CIMIP5: variants seen among roughly 807,000 people sequenced by gnomAD.
CIMIP5 encodes the protein ciliary microtubule inner protein 5.
At chr2:11,148,852 G>A in the CIMIP5 span, among the ~76,000 whole-genome samples, 2 of 148,676 alleles carry the variant, frequency 1.3e-5, no homozygotes, top group African/African-American at 2.5e-5. Context: ...CTCCTGCCTC[G>A]GCCTCCAAGT....
At chr2:11,148,805 G>T in the CIMIP5 span, among the ~76,000 whole-genome samples, 1 of 135,640 alleles carries the variant, frequency 7.4e-6, no homozygotes. Flanking sequence ...GTGCGATCTC[G>T]CTCACTGCAA....
the CIMIP5 span, among the ~76,000 whole-genome samples, chr2:11,139,825 G>A: frequency 6.6e-6 from 1 of 152,210 alleles, no homozygotes; most frequent in Non-Finnish European, 1.5e-5. Flanking sequence ...AGTGGCTCAT[G>A]CCTGTAATCC....
the CIMIP5 span, chr2:11,146,638 GT>G: frequency 6.6e-6 from 1 of 152,242 alleles, no homozygotes; most frequent in African/African-American, 2.4e-5. Context: ...ACCAGGCCCA[GT>G]GTGACTTGGC....
At chr2:11,143,433 A>C in the CIMIP5 span, among the ~76,000 whole-genome samples, 20 of 151,102 alleles carry the variant, frequency 1.3e-4, no homozygotes, top group Non-Finnish European at 1.8e-4. Context: ...GGCTGAAAGG[A>C]GGTGGGGGAG....
At chr2:11,133,391 GC>G in the CIMIP5 span, 162 of 1,612,028 alleles carry the variant, frequency 1.0e-4, no homozygotes, top group Non-Finnish European at 1.2e-4. Flanking sequence ...GGTACCGATT[GC>G]CCCCCACCAG....
chr2:11,136,593 A>C, the CIMIP5 span, among the ~76,000 whole-genome samples: 1 of 151,960 alleles, frequency 6.6e-6, no homozygotes, highest in African/African-American at 2.4e-5. Flanking sequence ...GACTGACTGC[A>C]AATGGACACA....
chr2:11,151,887 G>T, the CIMIP5 span, among the ~76,000 whole-genome samples: 1 of 152,262 alleles, frequency 6.6e-6, no homozygotes, highest in African/African-American at 2.4e-5. Flanking sequence ...GCACGCCTCA[G>T]CCTCCCAAAG....
the CIMIP5 span, among the ~76,000 whole-genome samples, chr2:11,148,087 C>T: frequency 1.3e-5 from 2 of 151,604 alleles, no homozygotes; most frequent in Non-Finnish European, 2.9e-5. Context: ...ACCTGAGAGC[C>T]ATAGCAAGCC....
chr2:11,136,349 A>G, the CIMIP5 span, among the ~76,000 whole-genome samples: 2 of 152,244 alleles, frequency 1.3e-5, no homozygotes, highest in African/African-American at 4.8e-5. Flanking sequence ...AACTTACAGA[A>G]TGACAGAAAA....
the CIMIP5 span, among the ~76,000 whole-genome samples, chr2:11,136,096 T>G: frequency 6.6e-6 from 1 of 152,212 alleles, no homozygotes; most frequent in Non-Finnish European, 1.5e-5. Flanking sequence ...TTCACTTCAT[T>G]GCTTGTTTCC....
the CIMIP5 span, among the ~76,000 whole-genome samples, chr2:11,140,706 C>G: frequency 1.3e-5 from 2 of 152,076 alleles, no homozygotes; most frequent in African/African-American, 4.8e-5. Flanking sequence ...ATGCAGGGTC[C>G]GTTGGATAGA....
the CIMIP5 span, among the ~76,000 whole-genome samples, chr2:11,142,551 C>T: frequency 2.6e-5 from 4 of 152,246 alleles, 1 homozygote; most frequent in Admixed American, 2.6e-4. Context: ...CTGAAATCTG[C>T]ATCATGGCCA....
the CIMIP5 span, among the ~76,000 whole-genome samples, chr2:11,153,643 A>G: frequency 6.6e-6 from 1 of 152,248 alleles, no homozygotes; most frequent in Non-Finnish European, 1.5e-5. Flanking sequence ...ATTGCTGCTG[A>G]TGCTTGTTAA....
At chr2:11,137,677 A>G in the CIMIP5 span, among the ~76,000 whole-genome samples, 2 of 152,204 alleles carry the variant, frequency 1.3e-5, no homozygotes, top group African/African-American at 4.8e-5. Flanking sequence ...GTGCTCCACA[A>G]AAACAGGTGC....
chr2:11,142,287 AGAT>A, the CIMIP5 span, among the ~76,000 whole-genome samples: 1 of 149,304 alleles, frequency 6.7e-6, no homozygotes, highest in African/African-American at 2.5e-5. Context: ...AAAAAAAAAA[AGAT>A]GGTCAAAGAA....
At chr2:11,147,556 A>T in the CIMIP5 span, among the ~76,000 whole-genome samples, 1 of 152,072 alleles carries the variant, frequency 6.6e-6, no homozygotes, top group Non-Finnish European at 1.5e-5. Context: ...TTGCCTCCAC[A>T]CTTCAGGTTA....
At chr2:11,151,117 C>T in the CIMIP5 span, among the ~76,000 whole-genome samples, 53,970 of 151,964 alleles carry the variant, frequency 0.36, 10,971 homozygotes, top group South Asian at 0.49. Context: ...AGAATGCAAG[C>T]TTTTGTCTCT....
At chr2:11,137,333 C>T in the CIMIP5 span, among the ~76,000 whole-genome samples, 1 of 151,846 alleles carries the variant, frequency 6.6e-6, no homozygotes, top group South Asian at 2.1e-4. Context: ...GAGATTGTGC[C>T]ACTGCACTCC....
the CIMIP5 span, chr2:11,133,357 G>A: frequency 6.2e-7 from 1 of 1,604,840 alleles, no homozygotes; most frequent in Non-Finnish European, 8.5e-7. Flanking sequence ...CCCACCCCTG[G>A]GCTCCAGAGA....
Sources: gnomAD v4.1 joint callset for allele counts (sites outside exome capture counted in the v4.1 genomes callset) on GRCh38, gnomAD v4.1.1 for gene constraint, MANE v1.5 for transcripts, NCBI Gene and HGNC (gene_info 2026-07-23, HGNC 2026-07-21) for gene names.